The following VCF2 variants were observed in gnomAD, a reference collection of about 807,000 sequenced individuals.
VCF2 encodes the protein protein VCF2.
the VCF2 span, among the ~76,000 whole-genome samples, chrX:55,157,014 T>C: frequency 1.8e-5 from 2 of 112,458 alleles, no homozygotes; most frequent in Non-Finnish European, 3.8e-5. Flanking sequence ...TTGAAAAAGC[T>C]TGTTCCTCCA....
At chrX:55,156,951 G>A in the VCF2 span, among the ~76,000 whole-genome samples, 3 of 112,339 alleles carry the variant, frequency 2.7e-5, no homozygotes, top group Non-Finnish European at 5.6e-5. Flanking sequence ...GGGATGTTTA[G>A]TATGCTCCAT....
the VCF2 span, among the ~76,000 whole-genome samples, chrX:55,152,771 G>T: frequency 6.3e-5 from 7 of 111,904 alleles, no homozygotes; most frequent in Admixed American, 4.7e-4. Flanking sequence ...TGCCCACAAA[G>T]AAATTCCTTG....
chrX:55,161,013 G>A, the VCF2 span: 1 of 1,169,044 alleles, frequency 8.6e-7, no homozygotes, highest in African/African-American at 1.8e-5. Flanking sequence ...AACCCCGGAA[G>A]AAAATACATA....
the VCF2 span, chrX:55,161,088 G>A: frequency 8.3e-7 from 1 of 1,206,049 alleles, no homozygotes; most frequent in Non-Finnish European, 1.1e-6. Context: ...ATGACCGTGG[G>A]GACCAGAGCT....
chrX:55,160,887 T>C, the VCF2 span: 12 of 1,155,908 alleles, frequency 1.0e-5, no homozygotes, highest in Admixed American at 1.6e-4. Context: ...AGCATGTTCT[T>C]TCGGAGAAGG....
chrX:55,146,425 A>T, the VCF2 span: 6 of 650,149 alleles, frequency 9.2e-6, no homozygotes, highest in Non-Finnish European at 1.4e-5. Flanking sequence ...GTTTTTACAA[A>T]GTAGAGCCAT....
At chrX:55,160,932 G>A in the VCF2 span, 3 of 1,163,563 alleles carry the variant, frequency 2.6e-6, no homozygotes, top group Non-Finnish European at 3.4e-6. Flanking sequence ...CGAAGGGCGG[G>A]GCACGAGGCA....
the VCF2 span, among the ~76,000 whole-genome samples, chrX:55,151,538 C>T: frequency 8.0e-5 from 6 of 74,809 alleles, no homozygotes; most frequent in Non-Finnish European, 1.5e-4. Flanking sequence ...AACAAAAGAG[C>T]GTGCACGGCA....
At chrX:55,159,342 A>G in the VCF2 span, 2 of 510,364 alleles carry the variant, frequency 3.9e-6, no homozygotes, top group East Asian at 7.8e-5. Flanking sequence ...AAAAAATGTC[A>G]CTATCTGCTA....
At chrX:55,156,566 T>C in the VCF2 span, among the ~76,000 whole-genome samples, 1 of 112,094 alleles carries the variant, frequency 8.9e-6, no homozygotes, top group Non-Finnish European at 1.9e-5. Context: ...AAATACAAAA[T>C]TAATTAGGTT....
At chrX:55,145,521 C>T in the VCF2 span, 2 of 754,841 alleles carry the variant, frequency 2.6e-6, no homozygotes, top group South Asian at 1.3e-4. Flanking sequence ...GTTGCCATTA[C>T]AACTAGAGAG....
chrX:55,149,758 A>G, the VCF2 span, among the ~76,000 whole-genome samples: 2 of 112,229 alleles, frequency 1.8e-5, no homozygotes, highest in African/African-American at 6.5e-5. Flanking sequence ...TTGAAATTAT[A>G]TCTTATGGTC....
the VCF2 span, among the ~76,000 whole-genome samples, chrX:55,157,229 T>C: frequency 8.9e-6 from 1 of 112,451 alleles, no homozygotes; most frequent in Non-Finnish European, 1.9e-5. Flanking sequence ...AGAGAAAATG[T>C]TCTTCAAAAA....
chrX:55,156,200 C>T, the VCF2 span, among the ~76,000 whole-genome samples: 3 of 111,476 alleles, frequency 2.7e-5, no homozygotes, highest in Non-Finnish European at 5.7e-5. Context: ...GATCCACCCG[C>T]CTTGGCCTCC....
At chrX:55,153,016 C>G in the VCF2 span, among the ~76,000 whole-genome samples, 1 of 112,225 alleles carries the variant, frequency 8.9e-6, no homozygotes, top group Non-Finnish European at 1.9e-5. Context: ...AGATTGCAAC[C>G]TCTTGTCTCT....
chrX:55,156,040 C>T, the VCF2 span, among the ~76,000 whole-genome samples: 61 of 107,291 alleles, frequency 5.7e-4, no homozygotes, highest in Admixed American at 6.1e-3. Flanking sequence ...AAACCTCCGC[C>T]TCCCGGGTTC....
At chrX:55,144,845 T>A in the VCF2 span, among the ~76,000 whole-genome samples, 1 of 112,420 alleles carries the variant, frequency 8.9e-6, no homozygotes, top group Non-Finnish European at 1.9e-5. Flanking sequence ...GAGAGGATTG[T>A]TAGACTCTAA....
chrX:55,153,050 G>A, the VCF2 span, among the ~76,000 whole-genome samples: 1 of 111,932 alleles, frequency 8.9e-6, no homozygotes, highest in South Asian at 3.8e-4. Context: ...CCTGGAAGCC[G>A]CAGCTTCAAA....
At chrX:55,147,634 GTTTTTTTTTTTTTT>G in the VCF2 span, among the ~76,000 whole-genome samples, 1 of 54,091 alleles carries the variant, frequency 1.8e-5, no homozygotes, top group Non-Finnish European at 3.1e-5. Flanking sequence ...GGCTTTCCTT[GTTTTTTTTTTTTTT>G]TTTTTTTTTT....
Sources: gnomAD v4.1 joint callset for allele counts (sites outside exome capture counted in the v4.1 genomes callset) on GRCh38, gnomAD v4.1.1 for gene constraint, MANE v1.5 for transcripts, NCBI Gene and HGNC (gene_info 2026-07-23, HGNC 2026-07-21) for gene names.